Variants in RNF111 observed in about 807,000 individuals in gnomAD.
The protein encoded by RNF111 is E3 ubiquitin-protein ligase Arkadia.
In RNF111, 17 loss-of-function variants were observed where a neutral mutation model predicts 95.1. The ratio of observed to expected loss-of-function variants is 0.18; its 90% confidence interval spans 0.12 to 0.27. The LOEUF (loss-of-function observed/expected upper bound fraction) is 0.27. RNF111 is among the 10% of genes least tolerant of loss of function. RNF111 has a pLI of 1.00. For synonymous variants in RNF111, 440 were observed against 414.8 expected (o/e 1.06, Z -0.74); for missense variants, 1,189 against 1,210.4 (o/e 0.98, Z 0.26).
At chr15:59,039,902 A>G (rs2041365228) in intron 2 of RNF111, among the ~76,000 whole-genome samples, 1 of 151,764 alleles carries the variant, frequency 6.6e-6, no homozygotes, top group Admixed American at 6.6e-5. Context: ...GTTTTAGTAG[A>G]GACGGGGTTT....
At position 59,093,472 on chromosome 15, in the gene RNF111, A is replaced by C. The variant is rs1481966042; in HGVS notation, c.2843+832A>C. On this transcript the variant is annotated intron_variant, in intron 13 of 13. Coordinates refer to ENST00000348370, the MANE Select transcript of RNF111 (RefSeq NM_017610.8). The stretch of plus-strand genomic sequence containing the variant: ...GCGATCCACCTACCTCAGCCTCCCA[A>C]AATGCTGGGATTACAGGCGTAAGCC... The C allele has an allele frequency of 2.8e-5, 12 of 430,448 alleles. No individual in the cohort carries two copies. In the Admixed American group the frequency reaches 3.1e-4, roughly 11 times the overall value. 26.7% of individuals were successfully genotyped at this position (430,448 alleles called of 1,614,324 possible).
Position 59,018,940 on chromosome 15 carries a change from T to C in RNF111, c.-19-11864T>C, listed in dbSNP as rs546423013. On this transcript the variant is annotated intron_variant, in intron 1 of 13. Transcript: ENST00000348370. ...TTGTTTCTTTTCTTTTTTCTTTTTT[T>C]TGAGACAGCGCCATGCTCTGTCGCC... 3.9e-5 allele frequency among the ~76,000 whole-genome samples: 6 copies of C among 152,236 alleles called. No homozygotes were observed. In the South Asian group the frequency reaches 1.2e-3, roughly 32 times the overall value.
intron 6 of RNF111, among the ~76,000 whole-genome samples, chr15:59,073,761 A>G (rs1433105279): frequency 6.6e-6 from 1 of 152,208 alleles, no homozygotes; most frequent in South Asian, 2.1e-4. Context: ...GACATCTAGA[A>G]TGGTGACTCC....
At chr15:59,046,899 A>C (rs2041738084) in intron 2 of RNF111, among the ~76,000 whole-genome samples, 1 of 152,070 alleles carries the variant, frequency 6.6e-6, no homozygotes, top group Admixed American at 6.6e-5. Context: ...ACAGGGTCTC[A>C]CTCTGTTGTC....
intron 1 of RNF111, among the ~76,000 whole-genome samples, chr15:59,015,170 C>A (rs1397355450): frequency 6.6e-6 from 1 of 152,024 alleles, no homozygotes; most frequent in Admixed American, 6.6e-5. Flanking sequence ...TATTTTTCTT[C>A]ATAATTTTCT....
chr15:59,048,521 G>T (rs1596195832), intron 2 of RNF111, among the ~76,000 whole-genome samples: 1 of 152,270 alleles, frequency 6.6e-6, no homozygotes, highest in South Asian at 2.1e-4. Flanking sequence ...TCTTAAACTG[G>T]ATTGTGGTGA....
At chr15:59,009,246 A>G (rs2039679789) in intron 1 of RNF111, among the ~76,000 whole-genome samples, 1 of 152,142 alleles carries the variant, frequency 6.6e-6, no homozygotes, top group Non-Finnish European at 1.5e-5. Context: ...GGCGTGAGCC[A>G]CTGCGCCTGG....
At chr15:59,075,829 T>C in intron 6 of RNF111, 125 bp from the exon 7 acceptor site, 1 of 1,028,718 alleles carries the variant, frequency 9.7e-7, no homozygotes, top group East Asian at 2.6e-5. Context: ...ATACTAAGAA[T>C]CTTCCTGGTT....
intron 1 of RNF111, among the ~76,000 whole-genome samples, chr15:59,009,222 G>A (rs2039678529): frequency 6.6e-6 from 1 of 152,108 alleles, no homozygotes; most frequent in African/African-American, 2.4e-5. Context: ...GCCTTTCAAA[G>A]TGCTGGGATT....
intron 10 of RNF111, among the ~76,000 whole-genome samples, 173 bp downstream of exon 10, chr15:59,085,958 T>G (rs2078886683): frequency 6.6e-6 from 1 of 152,166 alleles, no homozygotes; most frequent in South Asian, 2.1e-4. Flanking sequence ...TCTGCACGTA[T>G]AATTTGCATC....
chr15:58,995,267 A>G (rs1430981399), intron 1 of RNF111, among the ~76,000 whole-genome samples: 1 of 151,968 alleles, frequency 6.6e-6, no homozygotes, highest in African/African-American at 2.4e-5. Context: ...TAACTCATCC[A>G]TTTTCTTCAC....
At chr15:59,001,123 C>T (rs1336579271) in intron 1 of RNF111, among the ~76,000 whole-genome samples, 2 of 152,056 alleles carry the variant, frequency 1.3e-5, no homozygotes, top group East Asian at 1.9e-4. Context: ...GAGTGAGCCT[C>T]GTGGTTATCT....
At chr15:58,988,209 C>G (rs1009006787) in intron 1 of RNF111, 141 bp downstream of exon 1, 32 of 152,362 alleles carry the variant, frequency 2.1e-4, no homozygotes, top group African/African-American at 6.0e-4. Context: ...ATCTCTGGCT[C>G]GGTGGTGACT....
At chr15:59,053,960 G>T (rs1322705969) in intron 3 of RNF111, among the ~76,000 whole-genome samples, 2 of 152,076 alleles carry the variant, frequency 1.3e-5, no homozygotes, top group East Asian at 1.9e-4. Flanking sequence ...TTTTGAGACA[G>T]AGTCTCCCTC....
intron 2 of RNF111, chr15:59,050,242 A>G (rs1204410315): frequency 6.6e-6 from 1 of 151,916 alleles, no homozygotes; most frequent in Non-Finnish European, 1.5e-5. Context: ...TTATTGTATG[A>G]GCAGTAGCCA....
chr15:59,016,596 G>A (rs1252455887), intron 1 of RNF111, among the ~76,000 whole-genome samples: 3 of 151,756 alleles, frequency 2.0e-5, no homozygotes, highest in African/African-American at 4.8e-5. Context: ...CATCTTGCTC[G>A]GCCCACCATA....
At position 59,053,062 on chromosome 15, in the gene RNF111, T is replaced by G. The variant is rs142903827; in HGVS notation, c.1007+631T>G. Reference sequence around the variant, plus strand: ...GCCCTTTCTGTTAGAATCTACTTGTTTCAATATGTTACTCATTGATACCAG... The same window carrying G: ...GCCCTTTCTGTTAGAATCTACTTGTGTCAATATGTTACTCATTGATACCAG... On this transcript the variant is annotated intron_variant, in intron 3 of 13. Coordinates refer to ENST00000348370, the MANE Select transcript of RNF111 (RefSeq NM_017610.8). Among the ~76,000 whole-genome samples, 666 of 152,292 alleles carry G rather than the reference T, an allele frequency of 4.4e-3. 11 individuals carry two copies. The highest frequency in any genetic ancestry group is 0.015 in the African/African-American group (627 of 41,566).
Position 59,002,352 on chromosome 15 carries a change from C to T in RNF111, c.-20+14284C>T, listed in dbSNP as rs530756852. 1.4e-4 allele frequency among the ~76,000 whole-genome samples: 21 copies of T among 152,252 alleles called. No homozygotes were observed. The South Asian group carries it at 2.1e-3, about 15-fold the overall frequency. ...CTTTAGAATTAATAGCTGTCCCTTC[C>T]GTTTTCCCATGGTATTTGGTACTTT... On this transcript the variant is annotated intron_variant, in intron 1 of 13. Transcript: ENST00000348370.
intron 2 of RNF111, among the ~76,000 whole-genome samples, chr15:59,036,120 TGCTGGA>T (rs1400535911): frequency 6.6e-6 from 1 of 152,130 alleles, no homozygotes; most frequent in Non-Finnish European, 1.5e-5. Context: ...TGGCCCAGGC[TGCTGGA>T]GTGCAGTGGT....
Sources: allele counts gnomAD v4.1 joint callset (sites outside exome capture counted in the v4.1 genomes callset), GRCh38; gene constraint gnomAD v4.1.1; transcripts MANE v1.5; gene names NCBI Gene and HGNC (gene_info 2026-07-23, HGNC 2026-07-21).